The following MYO7B variants were observed in gnomAD, a reference collection of about 807,000 sequenced individuals.
MYO7B encodes myosin VIIB, also known as unconventional myosin-VIIb.
A neutral mutation model predicts 259.7 loss-of-function variants in MYO7B; 212 were observed. The ratio of observed to expected loss-of-function variants is 0.82; its 90% CI spans 0.73 to 0.91. The LOEUF (loss-of-function observed/expected upper bound fraction) is 0.91. MYO7B is among the 40% of genes least tolerant of loss of function. MYO7B has a pLI of 0.00. For missense variants in MYO7B, 2,732 were observed against 2,813.5 expected (o/e 0.97, Z 0.66); for synonymous variants, 1,197 against 1,166.4 (o/e 1.03, Z -0.54).
Position 127,541,017 on chromosome 2 carries a change from T to C in MYO7B, c.-24+5186T>C, listed in dbSNP as rs2104789141. On this transcript the variant is annotated intron_variant, in intron 1 of 47. Coordinates refer to ENST00000409816, the MANE Select transcript of MYO7B (RefSeq NM_001393586.1). ...GATGGAGGGATTTTCATTGTTCATA[T>C]CTATAATGTGGGATATCTCTCTCTA... Among the ~76,000 whole-genome samples the C allele has an allele frequency of 1.3e-5, 2 of 152,370 alleles. 1 individual carries two copies. The highest frequency in any genetic ancestry group is 4.1e-4 in the South Asian group (2 of 4,834).
chr2:127,577,222 A>G lies in MYO7B; in HGVS notation c.849+514A>G, dbSNP rs1678906331. On this transcript the variant is annotated intron_variant, in intron 8 of 47. Transcript: ENST00000409816. The surrounding 1 kb of genome is among the most constrained non-coding windows in gnomAD (Gnocchi z 5.2). Reference sequence around the variant, plus strand: ...AACTGCGCCTCCTGGTTTATTGACCACAGAGTGGACCCAGAGCATTCTGCC... The same window carrying G: ...AACTGCGCCTCCTGGTTTATTGACCGCAGAGTGGACCCAGAGCATTCTGCC... Among the ~76,000 whole-genome samples, 1 of 152,072 alleles carries G rather than the reference A, an allele frequency of 6.6e-6. No individual in the cohort carries two copies. Among genetic ancestry groups the G allele is most frequent in the Non-Finnish European group, 1.5e-5 (1 of 67,994 alleles).
chr2:127,584,907 G>A lies in MYO7B; in HGVS notation c.1684G>A (p.Ala562Thr). Residue 562 changes from alanine (A) to threonine (T), a missense_variant, in exon 14 of 48, where the codon GCA becomes ACA. Coordinates refer to ENST00000409816, the MANE Select transcript of MYO7B (RefSeq NM_001393586.1). This position sits in a 1 kb window ranked among gnomAD's most constrained non-coding sequence, Gnocchi z 5.8. The part of the protein sequence containing the change: ...AHFAGEVYYQ[A>T]EGFLEKNRDV... ...TTTTGCCGGCGAGGTGTACTACCAAGCAGAAGGTGGGTGCAGCTCTCCTCT... is the reference window on the plus strand; with the variant it reads ...TTTTGCCGGCGAGGTGTACTACCAAACAGAAGGTGGGTGCAGCTCTCCTCT... 4 of 1,613,918 alleles carry A rather than the reference G, an allele frequency of 2.5e-6. No homozygotes were observed. The highest frequency in any genetic ancestry group is 3.4e-6 in the Non-Finnish European group (4 of 1,179,858).
intron 5 of MYO7B, among the ~76,000 whole-genome samples, chr2:127,567,326 A>AC (rs1678392971): frequency 6.6e-6 from 1 of 152,112 alleles, no homozygotes; most frequent in African/African-American, 2.4e-5. Flanking sequence ...ACTCAAAAAA[A>AC]AACACAGGGC....
At chr2:127,623,641 G>T (rs1680957841) in intron 29 of MYO7B, among the ~76,000 whole-genome samples, 1 of 152,142 alleles carries the variant, frequency 6.6e-6, no homozygotes. Flanking sequence ...CCCCCACCCA[G>T]CAGCCACGCA....
intron 2 of MYO7B, among the ~76,000 whole-genome samples, chr2:127,562,511 C>A (rs1228922577): frequency 3.3e-5 from 3 of 90,818 alleles, no homozygotes; most frequent in Non-Finnish European, 6.3e-5. Context: ...TTTTTTGAGA[C>A]GGAGTCTTGC....
At chr2:127,620,637 T>C (rs908401786) in intron 27 of MYO7B, among the ~76,000 whole-genome samples, 171 bp downstream of exon 27, 2 of 152,212 alleles carry the variant, frequency 1.3e-5, no homozygotes, top group Admixed American at 1.3e-4. Flanking sequence ...AGTTTCCCCA[T>C]CTGGAAAAGA....
chr2:127,605,157 G>T (rs1680116125), intron 19 of MYO7B, among the ~76,000 whole-genome samples: 1 of 152,252 alleles, frequency 6.6e-6, no homozygotes, highest in Admixed American at 6.5e-5. Context: ...CCAGAGCCCA[G>T]CTTTCAGGTT....
At chr2:127,548,189 C>T (rs1056007002) in intron 1 of MYO7B, among the ~76,000 whole-genome samples, 3 of 151,950 alleles carry the variant, frequency 2.0e-5, no homozygotes, top group African/African-American at 7.3e-5. Context: ...TAATTTGTGT[C>T]TTCTCTTTGC....
At chr2:127,567,692 A>G (rs973215715) in intron 5 of MYO7B, among the ~76,000 whole-genome samples, 6 of 151,278 alleles carry the variant, frequency 4.0e-5, no homozygotes, top group African/African-American at 1.5e-4. Flanking sequence ...CATTCATTCA[A>G]TCATTTGAGG....
In MYO7B at chr2:127,599,960, AT is replaced by A. The variant is rs371025847; in HGVS notation, c.2339+3412del. Reference sequence around the variant, plus strand: ...GCGTCTATATTCATGACGTCTGAGGATTTTTTTTCTTTTGTCTTGTCTGGTT... The same window carrying A: ...GCGTCTATATTCATGACGTCTGAGGATTTTTTTCTTTTGTCTTGTCTGGTT... On this transcript the variant is annotated intron_variant, in intron 19 of 47. Coordinates refer to ENST00000409816, the MANE Select transcript of MYO7B (RefSeq NM_001393586.1). Among the ~76,000 whole-genome samples, 162 of 151,814 alleles carry A rather than the reference AT, an allele frequency of 1.1e-3. 1 individual carries two copies. In the East Asian group the frequency reaches 0.014, roughly 13 times the overall value.
At chr2:127,592,136 G>A (rs1679582145) in intron 16 of MYO7B, among the ~76,000 whole-genome samples, 1 of 152,248 alleles carries the variant, frequency 6.6e-6, no homozygotes, top group Admixed American at 6.5e-5. Flanking sequence ...GCTCAGGCCT[G>A]TAATCCCAGC....
chr2:127,558,414 C>T (rs1677916837), intron 1 of MYO7B, among the ~76,000 whole-genome samples: 1 of 152,214 alleles, frequency 6.6e-6, no homozygotes, highest in African/African-American at 2.4e-5. Flanking sequence ...TAAACTAGTA[C>T]AGCCACTATG....
intron 1 of MYO7B, among the ~76,000 whole-genome samples, chr2:127,551,582 G>C (rs1345836806): frequency 6.6e-6 from 1 of 152,220 alleles, no homozygotes; most frequent in Non-Finnish European, 1.5e-5. Flanking sequence ...TCTCTCTTTT[G>C]AAGGGAGATG....
Position 127,633,383 on chromosome 2 carries a change from T to C in MYO7B, c.5511+20T>C, listed in dbSNP as rs760262262. 29 of 1,608,962 alleles carry C rather than the reference T, an allele frequency of 1.8e-5. No homozygotes were observed. Among genetic ancestry groups the C allele is most frequent in the Non-Finnish European group, 2.3e-5 (27 of 1,177,100 alleles). ...AGTGAGGTGAGGCCCTGCTCTGGTC[T>C]GCACGGCAAGTCTCAGGCCTCCAGA... On this transcript the variant is annotated intron_variant, in intron 40 of 47. Transcript: ENST00000409816.
chr2:127,628,111 C>A lies in MYO7B; in HGVS notation c.4461-261C>A. 3.1e-6 allele frequency: 2 copies of A among 642,182 alleles called. No individual in the cohort carries two copies. The highest frequency in any genetic ancestry group is 2.1e-5 in the Admixed American group (1 of 48,070). The allele number at this position is 642,182 out of a possible 1,614,324, so 39.8% of individuals were successfully genotyped here. On this transcript the variant is annotated intron_variant, in intron 33 of 47. Transcript: ENST00000409816. The surrounding 1 kb of genome is among the most constrained non-coding windows in gnomAD (Gnocchi z 4.8). ...TTGCAGTGTCCCTGCGGTGTCACTG[C>A]ACACCAGCCACCTCATTATCTGCCC...
chr2:127,592,374 G>A (rs1290400568), intron 16 of MYO7B, among the ~76,000 whole-genome samples: 5 of 152,158 alleles, frequency 3.3e-5, no homozygotes, highest in Non-Finnish European at 7.3e-5. Context: ...CAGCCTGAGC[G>A]ACAGAACGAG....
intron 9 of MYO7B, among the ~76,000 whole-genome samples, chr2:127,579,086 CT>C (rs1678999372): frequency 6.6e-6 from 1 of 151,708 alleles, no homozygotes; most frequent in Non-Finnish European, 1.5e-5. Context: ...AATGTGTGAG[CT>C]GGAGGGAAAG....
At chr2:127,616,673 A>G (rs1350451831) in intron 26 of MYO7B, among the ~76,000 whole-genome samples, 2 of 152,228 alleles carry the variant, frequency 1.3e-5, no homozygotes, top group Non-Finnish European at 2.9e-5. Context: ...TCCGACTGGG[A>G]GATCCAATCC....
At chr2:127,549,286 AC>A (rs1196379841) in intron 1 of MYO7B, among the ~76,000 whole-genome samples, 1 of 152,030 alleles carries the variant, frequency 6.6e-6, no homozygotes, top group African/African-American at 2.4e-5. Flanking sequence ...CATTTCTCCA[AC>A]ACTTTACTTT....
Sources: allele counts gnomAD v4.1 joint callset (sites outside exome capture counted in the v4.1 genomes callset), GRCh38; gene constraint gnomAD v4.1.1; non-coding constraint Gnocchi (gnomAD v3.1); transcripts MANE v1.5; gene names NCBI Gene and HGNC (gene_info 2026-07-23, HGNC 2026-07-21).